Variants in ABCC4 observed in about 807,000 individuals in gnomAD.
ABCC4 encodes ATP binding cassette subfamily C member 4 (PEL blood group).
Under a neutral mutation model 168.5 loss-of-function variants are expected in ABCC4, and 102 were observed. That is an observed-to-expected ratio of 0.61 (90% CI 0.52 to 0.71). ABCC4 has a LOEUF of 0.71. ABCC4 is among the 30% of genes least tolerant of loss of function. The pLI is 0.00. For synonymous variants in ABCC4, 617 were observed against 590.7 expected (o/e 1.04, Z -0.65); for missense variants, 1,402 against 1,605.8 (o/e 0.87, Z 2.17).
chr13:95,109,056 C>T (rs2035110703), intron 20 of ABCC4, among the ~76,000 whole-genome samples: 1 of 152,136 alleles, frequency 6.6e-6, no homozygotes, highest in Non-Finnish European at 1.5e-5. Context: ...CGACCTCCTG[C>T]ACTAGAATGC....
chr13:95,207,532 G>T (rs1356946133), intron 7 of ABCC4, among the ~76,000 whole-genome samples: 1 of 152,134 alleles, frequency 6.6e-6, no homozygotes, highest in Non-Finnish European at 1.5e-5. Context: ...TCATTGTTGG[G>T]ATTTGGGATA....
intron 14 of ABCC4, among the ~76,000 whole-genome samples, chr13:95,166,922 C>T (rs1400472202): frequency 2.0e-5 from 3 of 152,104 alleles, no homozygotes; most frequent in African/African-American, 4.8e-5. Context: ...TGCAGTGGCT[C>T]ACACCTGAAA....
chr13:95,191,828 A>G (rs1320046644), intron 9 of ABCC4, among the ~76,000 whole-genome samples: 1 of 152,202 alleles, frequency 6.6e-6, no homozygotes, highest in Non-Finnish European at 1.5e-5. Context: ...GCTGCAAAAG[A>G]GTGAGCCACA....
At chr13:95,215,596 C>T (rs111844697) in intron 4 of ABCC4, among the ~76,000 whole-genome samples, 23 of 152,024 alleles carry the variant, frequency 1.5e-4, no homozygotes, top group African/African-American at 5.3e-4. Flanking sequence ...TATGTTGGGC[C>T]GTCAGTAAAT....
chr13:95,054,020 CCTTTTTTTTTTTTTTTTTTTTTTT>C (rs1161933662), intron 26 of ABCC4: 4 of 73,168 alleles, frequency 5.5e-5, no homozygotes, highest in African/African-American at 7.1e-5. Flanking sequence ...AATGGGACAT[CCTTTTTTTTTTTTTTTTTTTTTTT>C]TTTTTTTTTT....
intron 30 of ABCC4, among the ~76,000 whole-genome samples, chr13:95,025,163 ACATACACACACACACC>A (rs1158942013): frequency 6.2e-5 from 9 of 145,376 alleles, no homozygotes; most frequent in African/African-American, 2.4e-4. Context: ...TCTCAATTTC[ACATACACACACACACC>A]CACACACACC....
intron 1 of ABCC4, among the ~76,000 whole-genome samples, chr13:95,291,847 T>C (rs1481400280): frequency 6.6e-6 from 1 of 152,190 alleles, no homozygotes; most frequent in African/African-American, 2.4e-5. Flanking sequence ...CTCGGGAGGC[T>C]GAGGCACGAG....
chr13:95,103,932 C>T (rs150620680), intron 20 of ABCC4, among the ~76,000 whole-genome samples: 52 of 152,242 alleles, frequency 3.4e-4, no homozygotes, highest in African/African-American at 1.1e-3. Flanking sequence ...GCACTTCCTG[C>T]CATATGTGCC....
intron 21 of ABCC4, 96 bp from the exon 22 acceptor site, chr13:95,075,647 C>T (rs2033874326): frequency 5.9e-6 from 9 of 1,521,062 alleles, no homozygotes; most frequent in Non-Finnish European, 8.0e-6. Flanking sequence ...CCAAACAGCA[C>T]ACGCAGGCCT....
chr13:95,081,461 C>T (rs1448303012), intron 21 of ABCC4, among the ~76,000 whole-genome samples: 1 of 152,214 alleles, frequency 6.6e-6, no homozygotes, highest in African/African-American at 2.4e-5. Flanking sequence ...ACAACACTGG[C>T]TAGGGCCAGT....
At chr13:95,031,129 T>G (rs1263091916) in intron 30 of ABCC4, among the ~76,000 whole-genome samples, 1 of 152,236 alleles carries the variant, frequency 6.6e-6, no homozygotes, top group Non-Finnish European at 1.5e-5. Flanking sequence ...ATTTGATGCT[T>G]GCACATTTAA....
chr13:95,157,879 G>T (rs1258767101), intron 19 of ABCC4, among the ~76,000 whole-genome samples: 1 of 151,866 alleles, frequency 6.6e-6, no homozygotes, highest in Non-Finnish European at 1.5e-5. Flanking sequence ...AGACCATCCT[G>T]GCCAACACGG....
rs536315528 is a variant in ABCC4 at position 95,026,230 on chromosome 13, C to T, written c.3871-4548G>A. Among the ~76,000 whole-genome samples, 8 of 152,024 alleles carry T rather than the reference C, an allele frequency of 5.3e-5. No homozygotes were observed. In the South Asian group the frequency reaches 1.7e-3, roughly 32 times the overall value. ...CTCCAGTTTGTGGAATAGACGGAGA[C>T]TCTGTCTCAAAAAAGGGAAAATAAA... is the stretch of plus-strand genomic sequence containing the variant. On this transcript the variant is annotated intron_variant, in intron 30 of 30. Coordinates refer to ENST00000645237, the MANE Select transcript of ABCC4 (RefSeq NM_005845.5).
At chr13:95,259,065 C>A (rs1007987135) in intron 1 of ABCC4, among the ~76,000 whole-genome samples, 39 of 152,066 alleles carry the variant, frequency 2.6e-4, no homozygotes, top group Non-Finnish European at 1.3e-4. Flanking sequence ...ACAGATCTCA[C>A]AGGAAAACCC....
intron 20 of ABCC4, among the ~76,000 whole-genome samples, chr13:95,113,012 C>T (rs1285653168): frequency 6.6e-6 from 1 of 152,116 alleles, no homozygotes; most frequent in African/African-American, 2.4e-5. Flanking sequence ...ATGCGGTAGA[C>T]GAGGCCTAAA....
chr13:95,082,513 G>GA (rs781628561), intron 21 of ABCC4, among the ~76,000 whole-genome samples: 3 of 152,108 alleles, frequency 2.0e-5, no homozygotes, highest in Non-Finnish European at 2.9e-5. Context: ...GCCTGAGGGG[G>GA]AAAAACCTCA....
At chr13:95,051,191 G>C (rs1247593510) in intron 27 of ABCC4, among the ~76,000 whole-genome samples, 1 of 152,244 alleles carries the variant, frequency 6.6e-6, no homozygotes, top group Non-Finnish European at 1.5e-5. Context: ...CCCCACAGTT[G>C]CTGGAAAGCA....
At chr13:95,124,592 G>A (rs1249663893) in intron 19 of ABCC4, among the ~76,000 whole-genome samples, 4 of 149,430 alleles carry the variant, frequency 2.7e-5, no homozygotes, top group Admixed American at 6.7e-5. Flanking sequence ...AAAAAGGCTG[G>A]GCACAGTGGC....
At chr13:95,092,793 G>A (rs555069360) in intron 20 of ABCC4, among the ~76,000 whole-genome samples, 28 of 152,022 alleles carry the variant, frequency 1.8e-4, no homozygotes, top group Non-Finnish European at 3.2e-4. Flanking sequence ...ACAAAAAGCT[G>A]GTTTTTTGAA....
Sources: allele counts gnomAD v4.1 joint callset (sites outside exome capture counted in the v4.1 genomes callset), GRCh38; gene constraint gnomAD v4.1.1; transcripts MANE v1.5; gene names NCBI Gene and HGNC (gene_info 2026-07-23, HGNC 2026-07-21).